Variants in PRKCA observed in about 807,000 individuals in gnomAD.
PRKCA encodes protein kinase C alpha.
Under a neutral mutation model 87.0 loss-of-function variants are expected in PRKCA, and 27 were observed. The observed-to-expected ratio is 0.31, with a 90% CI of 0.23 to 0.43. PRKCA has a LOEUF of 0.43. Among genes scored for constraint, PRKCA ranks in the 20% least tolerant of loss-of-function variants. PRKCA has a pLI of 1.00. For synonymous variants in PRKCA, 329 were observed against 311.1 expected (o/e 1.06, Z -0.61); for missense variants, 518 against 852.3 (o/e 0.61, Z 4.88).
chr17:66,606,479 A>G (rs574101305), intron 3 of PRKCA, among the ~76,000 whole-genome samples: 12 of 152,344 alleles, frequency 7.9e-5, no homozygotes, highest in African/African-American at 2.9e-4. Flanking sequence ...CGAATGTATA[A>G]GGACCCCAGT....
At chr17:66,542,538 G>C (rs1465483435) in intron 3 of PRKCA, among the ~76,000 whole-genome samples, 1 of 152,048 alleles carries the variant, frequency 6.6e-6, no homozygotes, top group African/African-American at 2.4e-5. Flanking sequence ...GTTCCAATAA[G>C]ACTTGGGTGA....
intron 8 of PRKCA, among the ~76,000 whole-genome samples, chr17:66,701,361 T>TG (rs1973058346): frequency 1.3e-5 from 2 of 151,930 alleles, no homozygotes; most frequent in Admixed American, 6.6e-5. Flanking sequence ...AAAACATACT[T>TG]GGGGGGAAAG....
chr17:66,438,127 C>A (rs180978580), intron 2 of PRKCA, among the ~76,000 whole-genome samples: 2 of 152,226 alleles, frequency 1.3e-5, no homozygotes, highest in Admixed American at 1.3e-4. Flanking sequence ...GGTCTCTGTT[C>A]TGAACGGGTC....
chr17:66,379,572 GC>G (rs1310116679), intron 2 of PRKCA, among the ~76,000 whole-genome samples: 1 of 152,134 alleles, frequency 6.6e-6, no homozygotes, highest in Non-Finnish European at 1.5e-5. Context: ...GCCCTTTGAA[GC>G]TTCACTAATT....
chr17:66,485,378 G>T (rs1442440377), intron 2 of PRKCA, among the ~76,000 whole-genome samples: 1 of 152,160 alleles, frequency 6.6e-6, no homozygotes, highest in East Asian at 1.9e-4. Context: ...TTTAGATCCC[G>T]TGTAGCATTT....
chr17:66,759,837 G>C (rs555685159), intron 13 of PRKCA, among the ~76,000 whole-genome samples: 1 of 152,342 alleles, frequency 6.6e-6, no homozygotes, highest in African/African-American at 2.4e-5. Context: ...TCATGGAAGG[G>C]CATTACATAA....
chr17:66,550,235 A>G (rs1006085568), intron 3 of PRKCA, among the ~76,000 whole-genome samples: 3 of 152,194 alleles, frequency 2.0e-5, no homozygotes, highest in African/African-American at 4.8e-5. Flanking sequence ...CTAAGCCAGC[A>G]TTCTCTCACA....
intron 2 of PRKCA, among the ~76,000 whole-genome samples, chr17:66,443,006 T>C (rs1331654679): frequency 6.6e-6 from 1 of 152,184 alleles, no homozygotes; most frequent in African/African-American, 2.4e-5. Flanking sequence ...TCGTCCCTTT[T>C]TTGGTTATCA....
Position 66,559,370 on chromosome 17 carries a change from G to GGAGGCT in PRKCA, c.288+63093_288+63098dup, listed in dbSNP as rs764682432. 1.1e-3 allele frequency among the ~76,000 whole-genome samples: 161 copies of GGAGGCT among 151,620 alleles called. 1 individual carries two copies. The highest frequency in any genetic ancestry group is 2.0e-3 in the Non-Finnish European group (137 of 67,920). ...GGGCGCCTGTAATCCCAGCTACTCA[G>GGAGGCT]GAGGCTGAGGCAGAGAATTGCTTGA... On this transcript the variant is annotated intron_variant, in intron 3 of 16. Transcript: ENST00000413366.
intron 3 of PRKCA, among the ~76,000 whole-genome samples, chr17:66,508,163 AG>A: frequency 6.6e-6 from 1 of 152,218 alleles, no homozygotes; most frequent in Non-Finnish European, 1.5e-5. Context: ...TTGTACCAGA[AG>A]CTGGGATCCA....
chr17:66,407,613 A>G (rs1198180130), intron 2 of PRKCA, among the ~76,000 whole-genome samples: 1 of 152,134 alleles, frequency 6.6e-6, no homozygotes, highest in Non-Finnish European at 1.5e-5. Flanking sequence ...ACCTAAATAT[A>G]TCCCAGGAAT....
intron 2 of PRKCA, among the ~76,000 whole-genome samples, chr17:66,331,957 T>A (rs946582751): frequency 6.6e-6 from 1 of 152,226 alleles, no homozygotes; most frequent in African/African-American, 2.4e-5. Context: ...CTCTTTCTTG[T>A]TAAACCACTT....
At chr17:66,481,214 A>G (rs750603456) in intron 2 of PRKCA, among the ~76,000 whole-genome samples, 20 of 151,632 alleles carry the variant, frequency 1.3e-4, no homozygotes, top group African/African-American at 4.1e-4. Context: ...TCTCTTAGTG[A>G]CTCTTTTCCA....
chr17:66,447,249 G>C (rs1391444361), intron 2 of PRKCA, among the ~76,000 whole-genome samples: 1 of 152,120 alleles, frequency 6.6e-6, no homozygotes, highest in Non-Finnish European at 1.5e-5. Flanking sequence ...GAGAGGCCTT[G>C]GGGTTTTGAA....
At position 66,689,408 on chromosome 17, in the gene PRKCA, G is replaced by A. The variant is rs1238661471; in HGVS notation, c.918+361G>A. Among the ~76,000 whole-genome samples the A allele has an allele frequency of 1.3e-5, 2 of 152,140 alleles. No individual in the cohort carries two copies. The highest frequency in any genetic ancestry group is 2.9e-5 in the Non-Finnish European group (2 of 68,036). On this transcript the variant is annotated intron_variant, in intron 8 of 16. Coordinates refer to ENST00000413366, the MANE Select transcript of PRKCA (RefSeq NM_002737.3). The surrounding 1 kb of genome is among the most constrained non-coding windows in gnomAD (Gnocchi z 4.1). ...TTCTGAAAAGGAGGAAGTCATTTTG[G>A]CCTTTCCTTGGGAGCTCATTTGTGT...
chr17:66,729,780 CTTTTTTTTTTT>C (rs60247180), intron 8 of PRKCA, among the ~76,000 whole-genome samples: 1 of 105,104 alleles, frequency 9.5e-6, no homozygotes, highest in Admixed American at 1.2e-4. Flanking sequence ...GCGAGTTATT[CTTTTTTTTTTT>C]TTTTTTTTTT....
intron 2 of PRKCA, among the ~76,000 whole-genome samples, chr17:66,432,587 T>C (rs1190867347): frequency 6.6e-6 from 1 of 152,194 alleles, no homozygotes; most frequent in Non-Finnish European, 1.5e-5. Context: ...TCATGGGGCT[T>C]TTCTAAGTTC....
intron 8 of PRKCA, among the ~76,000 whole-genome samples, chr17:66,700,133 G>A (rs1238935000): frequency 6.6e-6 from 1 of 152,218 alleles, no homozygotes; most frequent in Non-Finnish European, 1.5e-5. Context: ...ATTTATTCCT[G>A]TGATACAAGG....
intron 2 of PRKCA, among the ~76,000 whole-genome samples, chr17:66,376,904 C>G (rs1296633384): frequency 1.3e-5 from 2 of 152,148 alleles, no homozygotes; most frequent in African/African-American, 4.8e-5. Flanking sequence ...CTGCTGGTTT[C>G]AAGTGGTGGA....
Sources: gnomAD v4.1 joint callset for allele counts (sites outside exome capture counted in the v4.1 genomes callset) on GRCh38, gnomAD v4.1.1 for gene constraint, Gnocchi (gnomAD v3.1) non-coding constraint, MANE v1.5 for transcripts, NCBI Gene and HGNC (gene_info 2026-07-23, HGNC 2026-07-21) for gene names.